SEPTIN7: variants seen among roughly 807,000 people sequenced by gnomAD.
The protein encoded by SEPTIN7 is septin 7.
Under a neutral mutation model 63.3 loss-of-function variants are expected in SEPTIN7, and 10 were observed. The ratio of observed to expected loss-of-function variants is 0.16; its 90% CI spans 0.10 to 0.27. The LOEUF (loss-of-function observed/expected upper bound fraction) is 0.27, where lower values mean the gene tolerates loss of function less well. SEPTIN7 is among the 10% of genes least tolerant of loss of function. The probability of loss-of-function intolerance (pLI) is 1.00; values close to 1 mark genes in which losing one functional copy is unlikely to be tolerated. For synonymous variants in SEPTIN7, 131 were observed against 165.3 expected, an observed-to-expected ratio of 0.79 and a Z score of 1.59; for missense variants, 310 against 521.0, an observed-to-expected ratio of 0.59 and a Z score of 3.94.
chr7:35,828,230 T>G (rs1783617115), intron 1 of SEPTIN7, among the ~76,000 whole-genome samples: 1 of 152,236 alleles, frequency 6.6e-6, no homozygotes, highest in Admixed American at 6.5e-5. Context: ...ATTTCCAAAT[T>G]TTATCAGTAT....
intron 4 of SEPTIN7, among the ~76,000 whole-genome samples, chr7:35,867,781 C>A (rs117172121): frequency 6.6e-6 from 1 of 151,972 alleles, no homozygotes; most frequent in African/African-American, 2.4e-5. Context: ...TAAGATAATT[C>A]TTTTGTGCAA....
chr7:35,841,199 C>T (rs1008017731), intron 3 of SEPTIN7, among the ~76,000 whole-genome samples: 12 of 151,572 alleles, frequency 7.9e-5, no homozygotes, highest in African/African-American at 2.4e-4. Context: ...TCAGCTTGGG[C>T]GACAGAGTGA....
intron 1 of SEPTIN7, among the ~76,000 whole-genome samples, chr7:35,802,437 G>A (rs547183783): frequency 1.3e-5 from 2 of 152,270 alleles, no homozygotes; most frequent in South Asian, 4.1e-4. Flanking sequence ...CATTTCTTGA[G>A]TTTATTGCTA....
chr7:35,804,833 TTG>T (rs1438880749), intron 1 of SEPTIN7, among the ~76,000 whole-genome samples: 3 of 145,428 alleles, frequency 2.1e-5, no homozygotes, highest in African/African-American at 2.6e-5. Flanking sequence ...GTTTCTTTTT[TTG>T]TTTTTTTTTT....
chr7:35,813,969 G>A (rs1176502723), intron 1 of SEPTIN7, among the ~76,000 whole-genome samples: 1 of 152,060 alleles, frequency 6.6e-6, no homozygotes, highest in South Asian at 2.1e-4. Context: ...TTGCTGCTAA[G>A]TCATTAGTTT....
At position 35,813,874 on chromosome 7, in the gene SEPTIN7, A is replaced by C. The variant is rs138414117; in HGVS notation, c.61+12604A>C. Among the ~76,000 whole-genome samples, 136 of 152,346 alleles carry C rather than the reference A, an allele frequency of 8.9e-4. 1 individual carries two copies. The highest frequency in any genetic ancestry group is 2.9e-3 in the African/African-American group (119 of 41,568). ...GAACTCTTTGAAATAAGAGACTATC[A>C]GTTGTAGTATTGACATTAAGTTCAT... On this transcript the variant is annotated intron_variant, in intron 1 of 13. Transcript: ENST00000350320.
intron 1 of SEPTIN7, among the ~76,000 whole-genome samples, chr7:35,825,254 A>C (rs541299479): frequency 6.6e-6 from 1 of 152,278 alleles, no homozygotes; most frequent in African/African-American, 2.4e-5. Context: ...GATGAAGTCT[A>C]AGTTCCTAAG....
chr7:35,873,549 C>A, intron 5 of SEPTIN7, 92 bp from the exon 6 acceptor site: 1 of 1,234,718 alleles, frequency 8.1e-7, no homozygotes, highest in Non-Finnish European at 1.1e-6. Context: ...ATTCATTTTG[C>A]CCATTTGAAA....
At chr7:35,801,358 G>C in intron 1 of SEPTIN7, 88 bp downstream of exon 1, 1 of 1,435,498 alleles carries the variant, frequency 7.0e-7, no homozygotes, top group South Asian at 1.4e-5. Flanking sequence ...GCTAGGGAAC[G>C]CCCTGAGGCG....
At chr7:35,814,485 G>GT (rs1049203501) in intron 1 of SEPTIN7, among the ~76,000 whole-genome samples, 2 of 133,814 alleles carry the variant, frequency 1.5e-5, no homozygotes, top group African/African-American at 2.9e-5. Context: ...TGAATTGTAA[G>GT]GGTTTTTTTA....
chr7:35,860,114 CTT>C (rs561134727), intron 3 of SEPTIN7, among the ~76,000 whole-genome samples: 4 of 140,970 alleles, frequency 2.8e-5, no homozygotes, highest in African/African-American at 2.6e-5. Flanking sequence ...ATTCCCTTCT[CTT>C]TTTTTTTTTG....
chr7:35,895,109 T>C (rs1230971120), intron 11 of SEPTIN7, among the ~76,000 whole-genome samples: 8 of 152,174 alleles, frequency 5.3e-5, no homozygotes, highest in Non-Finnish European at 1.0e-4. Context: ...TTTACTACTA[T>C]ATGGGGGTGG....
At chr7:35,893,512 T>C (rs140532691) in intron 11 of SEPTIN7, among the ~76,000 whole-genome samples, 2 of 152,270 alleles carry the variant, frequency 1.3e-5, no homozygotes, top group East Asian at 3.9e-4. Context: ...GTCTATACCA[T>C]AGAGCCTAAG....
At chr7:35,801,357 C>T in intron 1 of SEPTIN7, 87 bp downstream of exon 1, 1 of 1,432,930 alleles carries the variant, frequency 7.0e-7, no homozygotes, top group South Asian at 1.4e-5. Context: ...AGCTAGGGAA[C>T]GCCCTGAGGC....
chr7:35,882,302 TAAAA>T (rs148408656), intron 7 of SEPTIN7, among the ~76,000 whole-genome samples, 178 bp from the exon 8 acceptor site: 2 of 140,438 alleles, frequency 1.4e-5, no homozygotes, highest in East Asian at 2.0e-4. Flanking sequence ...ACTTCATAGT[TAAAA>T]AAAAAAAAAA....
Position 35,890,759 on chromosome 7 carries a change from G to A in SEPTIN7, c.964G>A (p.Val322Ile), listed in dbSNP as rs1562582943. ...ACTTGCAGCTGTGACTTATAATGGA[G>A]TTGATAACAACAAGAATAAAGGGCA... Reference protein sequence around the residue: ...RKLAAVTYNGVDNNKNKGQLT... With the variant: ...RKLAAVTYNGIDNNKNKGQLT... The change falls in exon 11 of 14, where the codon GTT (valine) becomes ATT (isoleucine). Residue 322 changes from valine (V) to isoleucine (I), a missense_variant. Physicochemically the swap from Val to Ile is conservative, Grantham distance 29. Around this residue, in one of 2 missense-constraint regions of SEPTIN7, gnomAD observed 255 missense variants for 490.5 expected, o/e 0.52. Transcript: ENST00000350320. The A allele has an allele frequency of 2.5e-6, 4 of 1,593,202 alleles. No individual in the cohort carries two copies. The highest frequency in any genetic ancestry group is 3.4e-6 in the Non-Finnish European group (4 of 1,172,694).
In SEPTIN7 at chr7:35,801,420, G is replaced by C. The variant is rs1787960742; in HGVS notation, c.61+150G>C. The C allele has an allele frequency of 5.1e-6, 5 of 978,590 alleles. No individual in the cohort carries two copies. The African/African-American group carries it at 8.7e-5, about 17-fold the overall frequency. 60.6% of individuals were successfully genotyped at this position (978,590 alleles called of 1,614,324 possible). A position where few individuals can be genotyped will look rare whatever the true frequency, so the allele number is the denominator to read the frequency against. On this transcript the variant is annotated intron_variant, in intron 1 of 13. Coordinates refer to ENST00000350320, the MANE Select transcript of SEPTIN7 (RefSeq NM_001788.6). ...GGGATGGGGGCCACTGCGGGCCCGGGGCGCGGCAGCGGCGGGCTCGGGGGG... is the reference window on the plus strand; with the variant it reads ...GGGATGGGGGCCACTGCGGGCCCGGCGCGCGGCAGCGGCGGGCTCGGGGGG...
At chr7:35,871,574 T>C (rs1786152504) in intron 4 of SEPTIN7, among the ~76,000 whole-genome samples, 1 of 152,204 alleles carries the variant, frequency 6.6e-6, no homozygotes, top group South Asian at 2.1e-4. Context: ...TGTTATTGGA[T>C]AGTGTGGCTA....
intron 3 of SEPTIN7, among the ~76,000 whole-genome samples, chr7:35,835,006 C>T (rs1194687574): frequency 6.6e-6 from 1 of 151,966 alleles, no homozygotes; most frequent in Non-Finnish European, 1.5e-5. Context: ...TGTTGGAAAA[C>T]CTTTAATAAT....
Sources: allele counts gnomAD v4.1 joint callset (sites outside exome capture counted in the v4.1 genomes callset), GRCh38; gene constraint gnomAD v4.1.1; regional missense constraint gnomAD v4.1.1; transcripts MANE v1.5; gene names NCBI Gene and HGNC (gene_info 2026-07-23, HGNC 2026-07-21).